The following SATB2 variants were observed in gnomAD, a reference collection of about 807,000 sequenced individuals.
SATB2 encodes the protein DNA-binding protein SATB2.
SATB2 carries 1 observed loss-of-function variant against 73.4 expected under a neutral mutation model. The ratio of observed to expected loss-of-function variants is 0.01; its 90% CI spans 0.00 to 0.06. The LOEUF (loss-of-function observed/expected upper bound fraction) is 0.06, where lower values mean the gene tolerates loss of function less well. Ranked by LOEUF, SATB2 falls within the 10% of genes least tolerant of loss-of-function variation. SATB2 has a pLI of 1.00. For missense variants in SATB2, 459 were observed against 945.8 expected (o/e 0.49, Z 6.75); for synonymous variants, 397 against 367.0 (o/e 1.08, Z -0.93).
chr2:199,384,831 G>C (rs1689880684), intron 3 of SATB2, among the ~76,000 whole-genome samples: 4 of 152,088 alleles, frequency 2.6e-5, no homozygotes, highest in Admixed American at 2.6e-4. Context: ...TTATTAAAGA[G>C]CATGAATATA....
At chr2:199,328,635 A>C in intron 8 of SATB2, 63 bp downstream of exon 8, 6 of 1,209,804 alleles carry the variant, frequency 5.0e-6, no homozygotes, top group Non-Finnish European at 7.4e-6. Context: ...AAAACACAGT[A>C]ACTAGTGAAG....
chr2:199,431,886 A>C (rs1691514072), intron 3 of SATB2, among the ~76,000 whole-genome samples: 1 of 152,234 alleles, frequency 6.6e-6, no homozygotes, highest in South Asian at 2.1e-4. Flanking sequence ...TTACATTCAG[A>C]GAAAAATATC....
intron 7 of SATB2, among the ~76,000 whole-genome samples, chr2:199,342,094 C>T (rs1688522469): frequency 6.6e-6 from 1 of 152,092 alleles, no homozygotes; most frequent in Non-Finnish European, 1.5e-5. Context: ...AAATCAGTAG[C>T]CCAAACTGGA....
In SATB2 at chr2:199,323,971, C is replaced by G; in HGVS notation, c.1387-13G>C. The G allele has an allele frequency of 6.2e-7, 1 of 1,613,094 alleles. No homozygotes were observed. Among genetic ancestry groups the G allele is most frequent in the Non-Finnish European group, 8.5e-7 (1 of 1,179,360 alleles). ...TCGAGGTTTTGGCCTACCAAGAGAC[C>G]ATGAAAATAATAATTTAAAAAGTGC... On this transcript the variant is annotated splice_polypyrimidine_tract_variant and intron_variant, in intron 8 of 10. Coordinates refer to ENST00000417098, the MANE Select transcript of SATB2 (RefSeq NM_001172509.2).
At chr2:199,410,056 C>G (rs1690765497) in intron 3 of SATB2, among the ~76,000 whole-genome samples, 1 of 152,130 alleles carries the variant, frequency 6.6e-6, no homozygotes, top group African/African-American at 2.4e-5. Context: ...CCTGTGCAAA[C>G]AGACTATTCT....
chr2:199,357,175 T>C (rs149974956), intron 6 of SATB2, among the ~76,000 whole-genome samples: 64 of 152,342 alleles, frequency 4.2e-4, no homozygotes, highest in Non-Finnish European at 4.6e-4. Context: ...ATCAACTTTC[T>C]TACCGATAAG....
chr2:199,457,172 G>T lies in SATB2; in HGVS notation c.-60+167C>A, dbSNP rs914786819. ...GGTGGCAGGGGGAGGTGAAAGGAAGGATGCGAGATGAAGACACGGAGCAGG... is the reference window on the plus strand; with the variant it reads ...GGTGGCAGGGGGAGGTGAAAGGAAGTATGCGAGATGAAGACACGGAGCAGG... On this transcript the variant is annotated intron_variant, in intron 1 of 10. Transcript: ENST00000417098. The surrounding 1 kb of genome is among the most constrained non-coding windows in gnomAD (Gnocchi z 4.8). Among the ~76,000 whole-genome samples the T allele has an allele frequency of 2.0e-5, 3 of 152,198 alleles. No homozygotes were observed. Among genetic ancestry groups the T allele is most frequent in the Admixed American group, 1.3e-4 (2 of 15,288 alleles).
chr2:199,282,960 TGA>T (rs1397772400), intron 10 of SATB2, among the ~76,000 whole-genome samples: 27 of 152,224 alleles, frequency 1.8e-4, no homozygotes, highest in Non-Finnish European at 2.9e-4. Context: ...ACATACAGCC[TGA>T]CATCCTCTTA....
chr2:199,391,172 G>A (rs971669022), intron 3 of SATB2, among the ~76,000 whole-genome samples: 16 of 151,968 alleles, frequency 1.1e-4, no homozygotes, highest in African/African-American at 1.4e-4. Flanking sequence ...TAGGCCGGGC[G>A]CGGTGGCTCA....
chr2:199,395,077 T>C (rs1690258021), intron 3 of SATB2, among the ~76,000 whole-genome samples: 5 of 152,180 alleles, frequency 3.3e-5, no homozygotes, highest in South Asian at 2.1e-4. Flanking sequence ...ATTTCCTTCA[T>C]GTCTAATTTT....
chr2:199,438,755 C>T (rs1197115884), intron 2 of SATB2, among the ~76,000 whole-genome samples: 2 of 152,220 alleles, frequency 1.3e-5, no homozygotes, highest in African/African-American at 4.8e-5. Flanking sequence ...TTGCACTGCA[C>T]TTCCTAGATC....
intron 3 of SATB2, among the ~76,000 whole-genome samples, chr2:199,422,641 A>G (rs1691206708): frequency 6.6e-6 from 1 of 152,192 alleles, no homozygotes; most frequent in Admixed American, 6.5e-5. Context: ...ATATTGGTTA[A>G]GTACACATTT....
chr2:199,455,902 TC>T lies in SATB2; in HGVS notation c.135del (p.Arg46GlyfsTer13). The part of the protein sequence containing the change: ...EQNGSPMGAR[G>X]RPNGAVAKAV... ...GCCTTGGCCACGGCGCCGTTGGGCC[TC>T]CCGCGGGCTCCCATGGGGCTGCCGT... On this transcript the variant is annotated frameshift_variant, in exon 2 of 11. Transcript: ENST00000417098. LOFTEE classifies it high-confidence loss of function. This position sits in a 1 kb window ranked among gnomAD's most constrained non-coding sequence, Gnocchi z 4.1. 1 of 1,537,814 alleles carries T rather than the reference TC, an allele frequency of 6.5e-7. No individual in the cohort carries two copies. The highest frequency in any genetic ancestry group is 1.9e-5 in the Admixed American group (1 of 51,382).
At chr2:199,440,726 TA>T (rs1691790952) in intron 2 of SATB2, among the ~76,000 whole-genome samples, 1 of 152,150 alleles carries the variant, frequency 6.6e-6, no homozygotes, top group Admixed American at 6.6e-5. Flanking sequence ...GGCTTTTTCT[TA>T]ACTCTTATCG....
intron 10 of SATB2, among the ~76,000 whole-genome samples, chr2:199,301,122 C>T (rs1267123962): frequency 1.3e-5 from 2 of 152,008 alleles, no homozygotes; most frequent in African/African-American, 4.8e-5. Context: ...TCAGCTTCTA[C>T]AGGAAAGTCA....
chr2:199,295,334 G>A (rs749125052), intron 10 of SATB2, among the ~76,000 whole-genome samples: 10 of 151,782 alleles, frequency 6.6e-5, no homozygotes, highest in Admixed American at 3.3e-4. Flanking sequence ...AATAATACAC[G>A]GATGGCCAAA....
chr2:199,415,359 G>A (rs993204080), intron 3 of SATB2, among the ~76,000 whole-genome samples: 8 of 152,178 alleles, frequency 5.3e-5, no homozygotes, highest in Non-Finnish European at 8.8e-5. Context: ...TGGAGACCAA[G>A]TCATAAATTA....
At chr2:199,356,618 T>C (rs1340297470) in intron 6 of SATB2, among the ~76,000 whole-genome samples, 1 of 152,168 alleles carries the variant, frequency 6.6e-6, no homozygotes, top group East Asian at 1.9e-4. Flanking sequence ...TTAGGAATAT[T>C]CAAAATGATT....
intron 3 of SATB2, among the ~76,000 whole-genome samples, chr2:199,410,116 C>G (rs1357629006): frequency 6.6e-6 from 1 of 152,082 alleles, no homozygotes; most frequent in Non-Finnish European, 1.5e-5. Context: ...GTAGTTGAGG[C>G]TATTTGAGGG....
Sources: gnomAD v4.1 joint callset for allele counts (sites outside exome capture counted in the v4.1 genomes callset) on GRCh38, gnomAD v4.1.1 for gene constraint, Gnocchi (gnomAD v3.1) non-coding constraint, MANE v1.5 for transcripts, NCBI Gene and HGNC (gene_info 2026-07-23, HGNC 2026-07-21) for gene names.